Variants in MED27 observed in about 807,000 individuals in gnomAD.
MED27 encodes mediator of RNA polymerase II transcription subunit 27.
MED27 carries 30 observed loss-of-function variants against 38.2 expected under a neutral mutation model. That is an observed-to-expected ratio of 0.79 (90% CI 0.59 to 1.07). The LOEUF is 1.07. Among genes scored for constraint, MED27 ranks in the 50% least tolerant of loss-of-function variants. The probability of loss-of-function intolerance (pLI) is 0.00; values close to 1 mark genes in which losing one functional copy is unlikely to be tolerated. For synonymous variants in MED27, 122 were observed against 153.5 expected (o/e 0.79, Z 1.52); for missense variants, 289 against 397.5 (o/e 0.73, Z 2.32).
chr9:131,960,557 A>G (rs1292085300), intron 3 of MED27, among the ~76,000 whole-genome samples: 3 of 152,226 alleles, frequency 2.0e-5, no homozygotes, highest in African/African-American at 7.2e-5. Flanking sequence ...TGAATGAGTC[A>G]ACAATGCAAC....
chr9:132,037,364 G>A lies in MED27; in HGVS notation c.349-22897C>T, dbSNP rs564818386. On this transcript the variant is annotated intron_variant, in intron 2 of 7. Coordinates refer to ENST00000292035, the MANE Select transcript of MED27 (RefSeq NM_004269.4). ...GATGAAAGCATGGACAGTAATAGTC[G>A]CATATGGTGGTTTTCAAGCCCATGG... Among the ~76,000 whole-genome samples the A allele has an allele frequency of 1.5e-4, 23 of 152,240 alleles. No homozygotes were observed. In the South Asian group the frequency reaches 1.7e-3, roughly 11 times the overall value.
chr9:131,994,857 A>G (rs1832056789), intron 3 of MED27, among the ~76,000 whole-genome samples: 1 of 152,166 alleles, frequency 6.6e-6, no homozygotes, highest in Non-Finnish European at 1.5e-5. Context: ...GGGGAATCCT[A>G]CACGAGCATA....
intron 4 of MED27, among the ~76,000 whole-genome samples, chr9:131,918,565 T>C (rs1295121174): frequency 6.6e-6 from 1 of 152,230 alleles, no homozygotes; most frequent in Admixed American, 6.5e-5. Flanking sequence ...AAATAAAAAC[T>C]ATGTAACATA....
intron 4 of MED27, among the ~76,000 whole-genome samples, chr9:131,906,073 A>G (rs562179033): frequency 6.6e-6 from 1 of 152,374 alleles, no homozygotes; most frequent in Admixed American, 6.5e-5. Context: ...TACTCAGGTA[A>G]TATCTACATG....
chr9:131,906,826 T>C (rs1830072511), intron 4 of MED27, among the ~76,000 whole-genome samples: 1 of 152,242 alleles, frequency 6.6e-6, no homozygotes, highest in South Asian at 2.1e-4. Flanking sequence ...CAACTGACTA[T>C]ACTTACAGTT....
intron 4 of MED27, among the ~76,000 whole-genome samples, chr9:131,896,012 C>A (rs927908011): frequency 2.6e-5 from 4 of 152,082 alleles, no homozygotes; most frequent in Non-Finnish European, 5.9e-5. Context: ...GATTCTCCTG[C>A]CTCGGCCTCC....
intron 2 of MED27, among the ~76,000 whole-genome samples, chr9:132,065,542 T>C (rs1468215169): frequency 6.6e-6 from 1 of 152,222 alleles, no homozygotes; most frequent in African/African-American, 2.4e-5. Context: ...TTCTCTTTCA[T>C]GAGACACCCC....
intron 3 of MED27, among the ~76,000 whole-genome samples, chr9:132,010,411 G>A (rs1180399090): frequency 6.6e-6 from 1 of 152,196 alleles, no homozygotes; most frequent in Non-Finnish European, 1.5e-5. Flanking sequence ...TGGAGAAATA[G>A]GAACACTTTT....
intron 4 of MED27, among the ~76,000 whole-genome samples, chr9:131,909,316 A>C (rs1199553298): frequency 1.3e-5 from 2 of 152,214 alleles, no homozygotes; most frequent in Admixed American, 6.5e-5. Context: ...GAGATAGTTC[A>C]ATTTTATGAA....
At chr9:131,878,141 G>A (rs549371522) in intron 6 of MED27, among the ~76,000 whole-genome samples, 5 of 152,150 alleles carry the variant, frequency 3.3e-5, no homozygotes, top group Admixed American at 6.5e-5. Flanking sequence ...GGGTATGGTA[G>A]CGCATGCCTG....
chr9:131,866,380 C>G (rs1838736675), intron 6 of MED27, among the ~76,000 whole-genome samples: 1 of 152,260 alleles, frequency 6.6e-6, no homozygotes, highest in Non-Finnish European at 1.5e-5. Context: ...CAGACCTGCA[C>G]CTCCTCCAGC....
chr9:131,978,753 T>C (rs1831668307), intron 3 of MED27, among the ~76,000 whole-genome samples: 2 of 152,242 alleles, frequency 1.3e-5, no homozygotes, highest in South Asian at 4.1e-4. Context: ...TTTAACCTTG[T>C]ACCATTCTGC....
chr9:132,074,035 C>T (rs1460692340), intron 2 of MED27, among the ~76,000 whole-genome samples: 4 of 152,230 alleles, frequency 2.6e-5, no homozygotes, highest in Non-Finnish European at 4.4e-5. Flanking sequence ...CTCAGCATCT[C>T]TGAACATAAT....
At chr9:131,935,886 A>T (rs1253540109) in intron 4 of MED27, among the ~76,000 whole-genome samples, 1 of 152,144 alleles carries the variant, frequency 6.6e-6, no homozygotes, top group Non-Finnish European at 1.5e-5. Flanking sequence ...ACAGTGGCTC[A>T]TATCTGTAAT....
At chr9:131,952,461 C>T (rs868342861) in intron 3 of MED27, among the ~76,000 whole-genome samples, 1 of 152,126 alleles carries the variant, frequency 6.6e-6, no homozygotes, top group African/African-American at 2.4e-5. Context: ...TGTTTCTCCA[C>T]CCCCTGCCCC....
intron 3 of MED27, among the ~76,000 whole-genome samples, chr9:132,009,347 C>G (rs1235848407): frequency 6.6e-6 from 1 of 152,192 alleles, no homozygotes; most frequent in African/African-American, 2.4e-5. Context: ...AGAGCCTCAT[C>G]CCCTCCCCTT....
Position 131,883,777 on chromosome 9 carries a change from A to C in MED27, c.723+281T>G, listed in dbSNP as rs1179647592. Among the ~76,000 whole-genome samples the C allele has an allele frequency of 6.6e-6, 1 of 152,214 alleles. No homozygotes were observed. The highest frequency in any genetic ancestry group is 2.4e-5 in the African/African-American group (1 of 41,450). On this transcript the variant is annotated intron_variant, in intron 6 of 7. Transcript: ENST00000292035. The surrounding 1 kb of genome is among the most constrained non-coding windows in gnomAD (Gnocchi z 4.2). The stretch of plus-strand genomic sequence containing the variant: ...ACATGTACGGCTGTGTAACACCGCC[A>C]CAATTAAGATAAAGAATATTCCCAC...
At chr9:131,897,638 A>C (rs1476289021) in intron 4 of MED27, among the ~76,000 whole-genome samples, 1 of 152,208 alleles carries the variant, frequency 6.6e-6, no homozygotes, top group South Asian at 2.1e-4. Flanking sequence ...CAGGGAGGGA[A>C]AAGGAGGTGG....
chr9:131,996,621 A>T (rs1163949646), intron 3 of MED27, among the ~76,000 whole-genome samples: 1 of 152,244 alleles, frequency 6.6e-6, no homozygotes, highest in Non-Finnish European at 1.5e-5. Flanking sequence ...AGGGAGACGC[A>T]GTGATACATA....
Sources: gnomAD v4.1 joint callset for allele counts (sites outside exome capture counted in the v4.1 genomes callset) on GRCh38, gnomAD v4.1.1 for gene constraint, Gnocchi (gnomAD v3.1) non-coding constraint, MANE v1.5 for transcripts, NCBI Gene and HGNC (gene_info 2026-07-23, HGNC 2026-07-21) for gene names.